CDKN2B-AS1: variants seen among roughly 807,000 people sequenced by gnomAD.
The protein encoded by CDKN2B-AS1 is CDKN2B antisense RNA 1 (non-protein coding).
At chr9:22,057,519 A>G (rs966705108) in intron 4 of CDKN2B-AS1, among the ~76,000 whole-genome samples, 1 of 152,222 alleles carries the variant, frequency 6.6e-6, no homozygotes, top group African/African-American at 2.4e-5. Flanking sequence ...AGAAAGTGAT[A>G]TAGTATTGGC....
At chr9:22,091,702 A>G (rs1587519018) in intron 4 of CDKN2B-AS1, among the ~76,000 whole-genome samples, 1 of 152,214 alleles carries the variant, frequency 6.6e-6, no homozygotes, top group Non-Finnish European at 1.5e-5. Flanking sequence ...GAAGTTGCTT[A>G]TCAGCTTGAG....
At chr9:22,036,793 C>T (rs1318867081) in intron 1 of CDKN2B-AS1, among the ~76,000 whole-genome samples, 1 of 152,052 alleles carries the variant, frequency 6.6e-6, no homozygotes, top group African/African-American at 2.4e-5. Flanking sequence ...TATAGATGAT[C>T]ATATCTACTT....
At chr9:22,083,049 T>C (rs1031074530) in intron 4 of CDKN2B-AS1, among the ~76,000 whole-genome samples, 2 of 152,150 alleles carry the variant, frequency 1.3e-5, no homozygotes, top group African/African-American at 2.4e-5. Context: ...TAGATTTGTG[T>C]CATAATAACA....
chr9:22,023,793 A>G (rs1390635135), intron 1 of CDKN2B-AS1, among the ~76,000 whole-genome samples: 1 of 152,176 alleles, frequency 6.6e-6, no homozygotes, highest in Non-Finnish European at 1.5e-5. Flanking sequence ...CAAGTCAGTT[A>G]CATTCTTCTG....
intron 4 of CDKN2B-AS1, chr9:22,119,971 C>T (rs575864893): frequency 6.6e-6 from 1 of 152,148 alleles, no homozygotes; most frequent in East Asian, 1.9e-4. Context: ...TTCAGCTAGA[C>T]TTTCATATAA....
chr9:22,090,943 G>A (rs1474845525), intron 4 of CDKN2B-AS1, among the ~76,000 whole-genome samples: 1 of 152,004 alleles, frequency 6.6e-6, no homozygotes, highest in Non-Finnish European at 1.5e-5. Flanking sequence ...TTTCTTCTAG[G>A]GTTTTTATGG....
chr9:22,100,588 T>G (rs962473986), intron 4 of CDKN2B-AS1, among the ~76,000 whole-genome samples: 4 of 152,248 alleles, frequency 2.6e-5, no homozygotes, highest in Non-Finnish European at 5.9e-5. Context: ...CAGCCGTTTT[T>G]GCTTTTTGAC....
At chr9:22,032,527 TG>T (rs1822519542) in intron 1 of CDKN2B-AS1, 1 of 152,190 alleles carries the variant, frequency 6.6e-6, no homozygotes, top group Admixed American at 6.5e-5. Flanking sequence ...AAGGCTTGGC[TG>T]TTGGTATTAT....
chr9:22,048,955 T>C (rs1322110393), intron 2 of CDKN2B-AS1, among the ~76,000 whole-genome samples: 1 of 152,220 alleles, frequency 6.6e-6, no homozygotes, highest in Non-Finnish European at 1.5e-5. Context: ...GGTATAGTAC[T>C]ATGCTTGCCA....
At chr9:22,089,102 C>T (rs926562518) in intron 4 of CDKN2B-AS1, among the ~76,000 whole-genome samples, 1 of 152,174 alleles carries the variant, frequency 6.6e-6, no homozygotes, top group Non-Finnish European at 1.5e-5. Flanking sequence ...TGACATTTTT[C>T]TAGCCAAATA....
chr9:22,106,041 G>A (rs1318968572), intron 4 of CDKN2B-AS1, among the ~76,000 whole-genome samples: 2 of 152,124 alleles, frequency 1.3e-5, no homozygotes, highest in Non-Finnish European at 2.9e-5. Flanking sequence ...CTCCCGAGTA[G>A]CTGGGATTAC....
chr9:22,027,393 A>G (rs1309785092), intron 1 of CDKN2B-AS1, among the ~76,000 whole-genome samples: 2 of 152,214 alleles, frequency 1.3e-5, no homozygotes, highest in African/African-American at 4.8e-5. Flanking sequence ...CTATTGGAAA[A>G]AACTCAGAGG....
intron 3 of CDKN2B-AS1, among the ~76,000 whole-genome samples, chr9:22,054,887 G>A (rs1452668242): frequency 6.6e-6 from 1 of 151,718 alleles, no homozygotes; most frequent in Non-Finnish European, 1.5e-5. Context: ...AAGGAGCTGG[G>A]ATTACAGGCA....
At chr9:22,107,974 A>G (rs776955539) in intron 4 of CDKN2B-AS1, among the ~76,000 whole-genome samples, 4 of 152,196 alleles carry the variant, frequency 2.6e-5, no homozygotes, top group Non-Finnish European at 4.4e-5. Context: ...TGGGAAAGTT[A>G]ACTAAAATGA....
chr9:22,012,290 G>C (rs1335435265), intron 1 of CDKN2B-AS1: 2 of 1,471,646 alleles, frequency 1.4e-6, no homozygotes, highest in Non-Finnish European at 1.9e-6. Context: ...TCTGATATTT[G>C]CCAGCAAACA....
chr9:22,109,858 T>A (rs1320151657), intron 4 of CDKN2B-AS1, among the ~76,000 whole-genome samples: 1 of 152,162 alleles, frequency 6.6e-6, no homozygotes, highest in Non-Finnish European at 1.5e-5. Context: ...CCATGCCTAA[T>A]CACACTCATT....
At chr9:22,090,074 A>G (rs541540256) in intron 4 of CDKN2B-AS1, among the ~76,000 whole-genome samples, 4 of 146,296 alleles carry the variant, frequency 2.7e-5, no homozygotes, top group South Asian at 2.2e-4. Flanking sequence ...GAGAACATGC[A>G]GTGTTTGGTT....
At chr9:22,065,304 G>A (rs572386691) in intron 4 of CDKN2B-AS1, among the ~76,000 whole-genome samples, 149 of 152,320 alleles carry the variant, frequency 9.8e-4, no homozygotes, top group African/African-American at 3.5e-3. Context: ...GCTCATTTGT[G>A]AGATGGAGTG....
At chr9:22,023,094 T>C (rs1221139396) in intron 1 of CDKN2B-AS1, among the ~76,000 whole-genome samples, 1 of 152,170 alleles carries the variant, frequency 6.6e-6, no homozygotes, top group Non-Finnish European at 1.5e-5. Context: ...ATGATGATTA[T>C]GTGTCTTGGG....
Sources: gnomAD v4.1 joint callset for allele counts (sites outside exome capture counted in the v4.1 genomes callset) on GRCh38, gnomAD v4.1.1 for gene constraint, MANE v1.5 for transcripts, NCBI Gene and HGNC (gene_info 2026-07-23, HGNC 2026-07-21) for gene names.